KPNB1: variants seen among roughly 807,000 people sequenced by gnomAD.
The protein encoded by KPNB1 is karyopherin subunit beta 1.
KPNB1 carries 7 observed loss-of-function variants against 113.0 expected under a neutral mutation model. The observed-to-expected ratio is 0.06, with a 90% CI of 0.04 to 0.12. The LOEUF (loss-of-function observed/expected upper bound fraction) is 0.12. Ranked by LOEUF, KPNB1 falls within the 10% of genes least tolerant of loss-of-function variation. The probability of loss-of-function intolerance (pLI) is 1.00; values close to 1 mark genes in which losing one functional copy is unlikely to be tolerated. For synonymous variants in KPNB1, 363 were observed against 378.6 expected, an observed-to-expected ratio of 0.96 and a Z score of 0.48; for missense variants, 400 against 1,054.8, an observed-to-expected ratio of 0.38 and a Z score of 8.60.
Position 47,652,740 on chromosome 17 carries a change from A to G in KPNB1, c.146A>G (p.Asn49Ser). 6.2e-7 allele frequency: 1 copy of G among 1,612,834 alleles called. No individual in the cohort carries two copies. The highest frequency in any genetic ancestry group is 8.5e-7 in the Non-Finnish European group (1 of 1,179,652). Residue 49 changes from asparagine (N) to serine (S), a missense_variant, in exon 3 of 22, where the codon AAC becomes AGC. Transcript: ENST00000290158. Reference protein sequence around the residue: ...ELSRVLANPGNSQVARVAAGL... With the variant: ...ELSRVLANPGSSQVARVAAGL... ...TCCAGAGTGCTGGCAAATCCAGGAA[A>G]CAGTCAGGTTGCCAGAGTTGCAGCT...
At chr17:47,675,262 T>C (rs948928131) in intron 15 of KPNB1, among the ~76,000 whole-genome samples, 15 of 152,080 alleles carry the variant, frequency 9.9e-5, no homozygotes, top group African/African-American at 2.9e-4. Flanking sequence ...ACTTCAAAGT[T>C]AGATTGAACT....
intron 20 of KPNB1, 145 bp downstream of exon 20, chr17:47,680,279 T>C: frequency 6.7e-6 from 5 of 747,016 alleles, no homozygotes; most frequent in Non-Finnish European, 1.1e-5. Context: ...CTTCATGTCC[T>C]GTTTTGAGTG....
intron 9 of KPNB1, among the ~76,000 whole-genome samples, chr17:47,667,451 T>G (rs890771502): frequency 3.3e-5 from 5 of 151,572 alleles, no homozygotes; most frequent in Non-Finnish European, 7.4e-5. Context: ...AACTTTTGAT[T>G]GAATCATGTC....
At chr17:47,663,028 T>C (rs2030155359) in intron 6 of KPNB1, 61 bp from the exon 7 acceptor site, 1 of 887,882 alleles carries the variant, frequency 1.1e-6, no homozygotes, top group South Asian at 1.3e-5. Context: ...TTTGAGTGAA[T>C]CTAACTTTGT....
At chr17:47,658,072 A>G (rs1389985508) in intron 4 of KPNB1, among the ~76,000 whole-genome samples, 2 of 152,160 alleles carry the variant, frequency 1.3e-5, no homozygotes, top group African/African-American at 4.8e-5. Flanking sequence ...TAGTCTGGGC[A>G]ATACAGACCC....
At chr17:47,670,008 G>T in intron 11 of KPNB1, 139 bp downstream of exon 11, 1 of 671,192 alleles carries the variant, frequency 1.5e-6, no homozygotes, top group African/African-American at 1.8e-5. Flanking sequence ...ATTAAAATGT[G>T]GGGGAGATTC....
intron 9 of KPNB1, among the ~76,000 whole-genome samples, chr17:47,666,374 T>C (rs539386417): frequency 1.7e-3 from 247 of 147,748 alleles, no homozygotes; most frequent in African/African-American, 5.8e-3. Flanking sequence ...TTTTTATCTT[T>C]TGACTTCGTG....
At chr17:47,651,197 T>C in intron 2 of KPNB1, 1 of 985,130 alleles carries the variant, frequency 1.0e-6, no homozygotes, top group Non-Finnish European at 1.2e-6. Flanking sequence ...TATTTTAAAA[T>C]TTAAGGGGTC....
At chr17:47,670,531 A>G (rs140073197) in intron 11 of KPNB1, 171 bp from the exon 12 acceptor site, 37 of 515,730 alleles carry the variant, frequency 7.2e-5, no homozygotes, top group African/African-American at 6.1e-4. Flanking sequence ...GTACAAATCA[A>G]ATAAATAAAT....
chr17:47,673,129 C>G lies in KPNB1; in HGVS notation c.1659C>G (p.Val553=), dbSNP rs1343778365. Residue 553 remains valine, a synonymous_variant, in exon 13 of 22, where the codon GTC becomes GTG. Transcript: ENST00000290158. ...CYPAVQKTTL[V]IMERLQQVLQ... ...CTGCTGTCCAGAAAACGACTTTGGT[C>G]ATCATGGAACGACTGCAACAGGTTC... 1 of 1,614,156 alleles carries G rather than the reference C, an allele frequency of 6.2e-7. No individual in the cohort carries two copies. Among genetic ancestry groups the G allele is most frequent in the Admixed American group, 1.7e-5 (1 of 60,010 alleles).
At chr17:47,681,134 A>G (rs1260247476) in intron 21 of KPNB1, among the ~76,000 whole-genome samples, 3 of 151,836 alleles carry the variant, frequency 2.0e-5, no homozygotes, top group Non-Finnish European at 4.4e-5. Context: ...CAATGGCACA[A>G]TCTCGGTTCA....
At chr17:47,660,142 C>T (rs147140098) in intron 5 of KPNB1, among the ~76,000 whole-genome samples, 7 of 152,232 alleles carry the variant, frequency 4.6e-5, no homozygotes, top group East Asian at 3.9e-4. Context: ...CCACTGGTAA[C>T]GACCATTTTA....
Position 47,680,002 on chromosome 17 carries a change from C to G in KPNB1, c.2354-18C>G. On this transcript the variant is annotated intron_variant, in intron 19 of 21. Coordinates refer to ENST00000290158, the MANE Select transcript of KPNB1 (RefSeq NM_002265.6). ...ATGAGCCACCGCACCCGACCAATAC[C>G]TTCTCTCTCTTTTATAGCGGATGTG... 6.4e-7 allele frequency: 1 copy of G among 1,571,478 alleles called. No homozygotes were observed. Among genetic ancestry groups the G allele is most frequent in the East Asian group, 2.2e-5 (1 of 44,704 alleles).
At position 47,658,531 on chromosome 17, in the gene KPNB1, A is replaced by C; in HGVS notation, c.507A>C (p.Lys169Asn). 1 of 1,613,324 alleles carries C rather than the reference A, an allele frequency of 6.2e-7. No individual in the cohort carries two copies. Among genetic ancestry groups the C allele is most frequent in the Non-Finnish European group, 8.5e-7 (1 of 1,179,976 alleles). ...AGGACCCAGAGCAGCTACAAGATAA[A>C]TCCAATGAGATTCTGACTGCCATAA... ...QDIDPEQLQD[K>N]SNEILTAIIQ... The change falls in exon 5 of 22, where the codon AAA becomes AAC. Residue 169 changes from lysine (K) to asparagine (N), a missense_variant. Physicochemically the swap from Lys to Asn is moderately conservative, Grantham distance 94. Transcript: ENST00000290158.
In KPNB1 at chr17:47,652,867, C is replaced by T. The variant is rs1214260519; in HGVS notation, c.273C>T (p.Val91=). Residue 91 remains valine (V), a synonymous_variant, in exon 3 of 22, where the codon GTC becomes GTT. Transcript: ENST00000290158. ...LAIDANARRE[V]KNYVLQTLGT... ...TTGATGCTAATGCTCGACGAGAAGT[C>T]AAGAACTATGTGAGTAACGCTTATC... 6.3e-7 allele frequency: 1 copy of T among 1,590,352 alleles called. No individual in the cohort carries two copies. The highest frequency in any genetic ancestry group is 8.5e-7 in the Non-Finnish European group (1 of 1,171,292).
At chr17:47,650,357 C>G (rs751099452) in intron 1 of KPNB1, 29 bp from the exon 2 acceptor site, 8 of 1,610,934 alleles carry the variant, frequency 5.0e-6, no homozygotes, top group African/African-American at 1.3e-5. Context: ...CCTCTGACCC[C>G]GCTCCGTCTC....
chr17:47,679,685 TTCTC>T (rs1454128398), intron 19 of KPNB1, among the ~76,000 whole-genome samples: 2 of 152,050 alleles, frequency 1.3e-5, no homozygotes, highest in Non-Finnish European at 2.9e-5. Flanking sequence ...GCATCAGACC[TTCTC>T]TCTCTTTTTT....
At chr17:47,651,174 T>C in intron 2 of KPNB1, 1 of 981,674 alleles carries the variant, frequency 1.0e-6, no homozygotes, top group South Asian at 4.7e-5. Flanking sequence ...AGGGGAAAGT[T>C]CCTCGTTTTT....
rs1910243116 is a variant in KPNB1 at position 47,650,000 on chromosome 17, C to T, written c.-245C>T. On this transcript the variant is annotated 5_prime_UTR_variant, in exon 1 of 22. Coordinates refer to ENST00000290158, the MANE Select transcript of KPNB1 (RefSeq NM_002265.6). ...CTCCCGAGCACCAGCGCGCTCTGAG[C>T]TGCCCCCAGGGTCCCTCCCCCGCCG... The T allele has an allele frequency of 1.5e-6, 2 of 1,356,038 alleles. No homozygotes were observed. Among genetic ancestry groups the T allele is most frequent in the Non-Finnish European group, 1.9e-6 (2 of 1,060,086 alleles). The allele number at this position is 1,356,038 out of a possible 1,614,324, so 84.0% of individuals were successfully genotyped here. A position where few individuals can be genotyped will look rare whatever the true frequency, so the allele number is the denominator to read the frequency against.
Sources: gnomAD v4.1 joint callset for allele counts (sites outside exome capture counted in the v4.1 genomes callset) on GRCh38, gnomAD v4.1.1 for gene constraint, MANE v1.5 for transcripts, NCBI Gene and HGNC (gene_info 2026-07-23, HGNC 2026-07-21) for gene names.